The following CMYA5 variants were observed in gnomAD, a reference collection of about 807,000 sequenced individuals.
CMYA5 encodes the protein cardiomyopathy associated 5.
CMYA5 carries 246 observed loss-of-function variants against 318.9 expected under a neutral mutation model. The ratio of observed to expected loss-of-function variants is 0.77; its 90% confidence interval spans 0.70 to 0.86. The LOEUF (loss-of-function observed/expected upper bound fraction) is 0.86. Ranked by LOEUF, CMYA5 falls within the 40% of genes least tolerant of loss-of-function variation. The pLI is 0.00. For synonymous variants in CMYA5, 1,641 were observed against 1,729.5 expected (o/e 0.95, Z 1.27); for missense variants, 4,589 against 4,678.2 (o/e 0.98, Z 0.56).
chr5:79,699,240 T>A (rs13162444), intron 1 of CMYA5, among the ~76,000 whole-genome samples: 32,227 of 152,160 alleles, frequency 0.21, 3,436 homozygotes, highest in East Asian at 0.37. Flanking sequence ...GGTTTCACTA[T>A]AACATTTTAT....
Position 79,723,458 on chromosome 5 carries a change from A to AG in CMYA5, c.150-5457_150-5456insG, listed in dbSNP as rs1346966734. Among the ~76,000 whole-genome samples, 83 of 150,130 alleles carry AG rather than the reference A, an allele frequency of 5.5e-4. No homozygotes were observed. In the East Asian group the frequency reaches 0.01, roughly 19 times the overall value. ...CATCTCAAAGGAAAAAAAAAAAAAA[A>AG]AGAAAAGAAAAGGAGATTACAGGCT... On this transcript the variant is annotated intron_variant, in intron 1 of 12. Transcript: ENST00000446378.
chr5:79,729,689 C>T lies in CMYA5; in HGVS notation c.924C>T (p.Ser308=). The change falls in exon 2 of 13, where the codon TCC becomes TCT. Residue 308 remains serine (S), a synonymous_variant. Coordinates refer to ENST00000446378, the MANE Select transcript of CMYA5 (RefSeq NM_153610.5). ...TTCCACCCTGGAGAGGCGCACTCTCCAAAGGATCAGAGTCCCTAACCTTAA... is the reference window on the plus strand; with the variant it reads ...TTCCACCCTGGAGAGGCGCACTCTCTAAAGGATCAGAGTCCCTAACCTTAA... The part of the protein sequence containing the change: ...EVFPPWRGAL[S]KGSESLTLMF... The T allele has an allele frequency of 6.2e-7, 1 of 1,613,870 alleles. No homozygotes were observed. Among genetic ancestry groups the T allele is most frequent in the Admixed American group, 1.7e-5 (1 of 60,002 alleles).
At chr5:79,794,250 C>T (rs777230039) in intron 12 of CMYA5, among the ~76,000 whole-genome samples, 1 of 152,216 alleles carries the variant, frequency 6.6e-6, no homozygotes, top group Non-Finnish European at 1.5e-5. Context: ...TATTGTATTA[C>T]ACTACAGTGG....
Position 79,793,431 on chromosome 5 carries a change from C to G in CMYA5, c.11790-6C>G, listed in dbSNP as rs779833524. 3.7e-6 allele frequency: 6 copies of G among 1,607,290 alleles called. No homozygotes were observed. The highest frequency in any genetic ancestry group is 1.7e-4 in the Middle Eastern group (1 of 5,964). On this transcript the variant is annotated splice_polypyrimidine_tract_variant and splice_region_variant and intron_variant, in intron 11 of 12. Coordinates refer to ENST00000446378, the MANE Select transcript of CMYA5 (RefSeq NM_153610.5). ...CTGAGCATACTCTGATTGACTTCAC[C>G]CACAGAATCCCGTCAGTGCTGGGTG...
Position 79,729,829 on chromosome 5 carries a change from T to C in CMYA5, c.1064T>C (p.Ile355Thr). ...YSSSGRAEQG[I>T]QLRHSQSVPQ... is the part of the protein sequence containing the mutation. ...AGTAGTGGCAGAGCAGAACAAGGAA[T>C]ACAGCTCAGGCATTCACAGTCAGTG... The change falls in exon 2 of 13, where the codon ATA (isoleucine) becomes ACA (threonine). Residue 355 changes from isoleucine to threonine, a missense_variant. This residue lies in a region of CMYA5 where 2,132 missense variants were observed against 2,131.3 expected (regional missense o/e 1.00). Coordinates refer to ENST00000446378, the MANE Select transcript of CMYA5 (RefSeq NM_153610.5). 2 of 1,613,206 alleles carry C rather than the reference T, an allele frequency of 1.2e-6. No individual in the cohort carries two copies. The highest frequency in any genetic ancestry group is 3.3e-4 in the Middle Eastern group (2 of 6,062).
Position 79,732,256 on chromosome 5 carries a change from C to A in CMYA5, c.3491C>A (p.Thr1164Asn). ...CAATCATCTATAGTAAAGGAAGAAACCAAACCTGCATCTCCACATTCAGTT... is the reference window on the plus strand; with the variant it reads ...CAATCATCTATAGTAAAGGAAGAAAACAAACCTGCATCTCCACATTCAGTT... ...PAQSSIVKEE[T>N]KPASPHSVLP... Residue 1164 changes from threonine to asparagine, a missense_variant, in exon 2 of 13, where the codon ACC (threonine) becomes AAC (asparagine). Physicochemically the swap from Thr to Asn is moderately conservative, Grantham distance 65 (BLOSUM62 0). Transcript: ENST00000446378. The A allele has an allele frequency of 6.2e-7, 1 of 1,613,918 alleles. No individual in the cohort carries two copies. Among genetic ancestry groups the A allele is most frequent in the Non-Finnish European group, 8.5e-7 (1 of 1,179,876 alleles).
At chr5:79,759,282 C>T (rs1828598937) in intron 7 of CMYA5, among the ~76,000 whole-genome samples, 1 of 152,176 alleles carries the variant, frequency 6.6e-6, no homozygotes, top group African/African-American at 2.4e-5. Context: ...ACAAGTGTCA[C>T]GTGTTCCACT....
intron 8 of CMYA5, 71 bp downstream of exon 8, chr5:79,762,028 A>G (rs1301100954): frequency 1.9e-5 from 28 of 1,488,524 alleles, no homozygotes; most frequent in Middle Eastern, 3.6e-4. Flanking sequence ...GAGATCAGCC[A>G]GTAAGTGTTT....
In CMYA5 at chr5:79,799,946, C is replaced by T; in HGVS notation, c.*330C>T. 1 of 204,996 alleles carries T rather than the reference C, an allele frequency of 4.9e-6. No homozygotes were observed. The highest frequency in any genetic ancestry group is 1.0e-5 in the Non-Finnish European group (1 of 99,866). The allele number at this position is 204,996 out of a possible 1,614,324, so 12.7% of individuals were successfully genotyped here. On this transcript the variant is annotated 3_prime_UTR_variant, in exon 13 of 13. Coordinates refer to ENST00000446378, the MANE Select transcript of CMYA5 (RefSeq NM_153610.5). ...CTGTTTTACTGGTAAAGGAAATCCT[C>T]TGATGGACAGGTCAGAGTGAAGGAA...
intron 5 of CMYA5, among the ~76,000 whole-genome samples, chr5:79,751,527 C>T (rs566579852): frequency 6.6e-6 from 1 of 152,280 alleles, no homozygotes; most frequent in South Asian, 2.1e-4. Context: ...GTGTAGAAGT[C>T]ACTCTTTAAA....
chr5:79,761,680 C>T (rs1828654027), intron 7 of CMYA5, 131 bp from the exon 8 acceptor site: 1 of 913,590 alleles, frequency 1.1e-6, no homozygotes, highest in Non-Finnish European at 1.6e-6. Context: ...CTGGTTTTCA[C>T]ATAATGGTAT....
At chr5:79,794,058 T>C (rs1046578374) in intron 12 of CMYA5, among the ~76,000 whole-genome samples, 5 of 152,106 alleles carry the variant, frequency 3.3e-5, no homozygotes, top group African/African-American at 1.2e-4. Flanking sequence ...AGGGTAATGC[T>C]AAAAGGAGTC....
intron 12 of CMYA5, among the ~76,000 whole-genome samples, chr5:79,794,974 G>T (rs1309826590): frequency 6.6e-6 from 1 of 152,148 alleles, no homozygotes; most frequent in African/African-American, 2.4e-5. Flanking sequence ...TCAGTTTACA[G>T]TTAGTAGATT....
chr5:79,764,513 T>G (rs1316425475), intron 9 of CMYA5, among the ~76,000 whole-genome samples: 1 of 152,232 alleles, frequency 6.6e-6, no homozygotes, highest in Non-Finnish European at 1.5e-5. Context: ...TACCCCATAA[T>G]AGGATTGCTG....
chr5:79,788,607 C>T (rs181495526), intron 9 of CMYA5, among the ~76,000 whole-genome samples: 98 of 151,966 alleles, frequency 6.4e-4, no homozygotes, highest in African/African-American at 1.9e-3. Flanking sequence ...ACAAAATCAT[C>T]GTAGATTGGT....
In CMYA5 at chr5:79,693,621, G is replaced by A. The variant is rs150490995; in HGVS notation, c.149+3565G>A. On this transcript the variant is annotated intron_variant, in intron 1 of 12. Transcript: ENST00000446378. The stretch of plus-strand genomic sequence containing the variant: ...GCCTCCCAAAATCCTGGGATTATAG[G>A]CATGAGCCACCGTGCCCGGTCAGCC... 9.1e-3 allele frequency among the ~76,000 whole-genome samples: 1,381 copies of A among 152,268 alleles called. 5 individuals carry two copies. The highest frequency in any genetic ancestry group is 0.015 in the Non-Finnish European group (1,031 of 68,016).
intron 1 of CMYA5, among the ~76,000 whole-genome samples, chr5:79,723,653 G>T (rs556470495): frequency 6.6e-6 from 1 of 151,326 alleles, no homozygotes; most frequent in Admixed American, 6.6e-5. Context: ...TTGCAGGTAC[G>T]TGGGATGCTG....
At chr5:79,793,695 G>A (rs1054700693) in intron 12 of CMYA5, 85 bp downstream of exon 12, 1 of 1,250,244 alleles carries the variant, frequency 8.0e-7, no homozygotes, top group Non-Finnish European at 1.1e-6. Flanking sequence ...CTGATAAATA[G>A]CACCCACTTC....
rs1828659534 is a variant in CMYA5, at chr5:79,761,895, G to A, written c.11345G>A (p.Trp3782Ter). 6.2e-7 allele frequency: 1 copy of A among 1,613,680 alleles called. No homozygotes were observed. The highest frequency in any genetic ancestry group is 1.7e-5 in the Admixed American group (1 of 59,980). ...GAACCTGACCGATGCTATCAAGTGT[G>A]GGTGATGGCTGTGAACTTCACTGGA... ...DLEPDRCYQV[W>*]VMAVNFTGCS... The change falls in exon 8 of 13, where the codon TGG (tryptophan) becomes TAG (stop). Residue 3782 changes from tryptophan to a stop codon, truncating the protein, a stop_gained. Transcript: ENST00000446378. LOFTEE classifies it high-confidence loss of function.
Sources: allele counts gnomAD v4.1 joint callset (sites outside exome capture counted in the v4.1 genomes callset), GRCh38; gene constraint gnomAD v4.1.1; regional missense constraint gnomAD v4.1.1; transcripts MANE v1.5; gene names NCBI Gene and HGNC (gene_info 2026-07-23, HGNC 2026-07-21).